SLC24A2: variants seen among roughly 807,000 people sequenced by gnomAD.
The protein encoded by SLC24A2 is solute carrier family 24 member 2, also known as sodium/potassium/calcium exchanger 2.
Under a neutral mutation model 62.0 loss-of-function variants are expected in SLC24A2, and 36 were observed. The ratio of observed to expected loss-of-function variants is 0.58; its 90% CI spans 0.44 to 0.77. The LOEUF is 0.77. Among genes scored for constraint, SLC24A2 ranks in the 30% least tolerant of loss-of-function variants. The probability of loss-of-function intolerance (pLI) is 0.00; values close to 1 mark genes in which losing one functional copy is unlikely to be tolerated. For missense variants in SLC24A2, 846 were observed against 817.9 expected (o/e 1.03, Z -0.42); for synonymous variants, 358 against 294.0 (o/e 1.22, Z -2.23).
the SLC24A2 span, among the ~76,000 whole-genome samples, chr9:19,881,441 T>C: frequency 6.6e-6 from 1 of 152,176 alleles, no homozygotes; most frequent in East Asian, 1.9e-4. Context: ...TAGGGGACCT[T>C]TGCAAGAGCT....
the SLC24A2 span, among the ~76,000 whole-genome samples, chr9:19,975,344 A>G: frequency 6.6e-6 from 1 of 152,174 alleles, no homozygotes; most frequent in Non-Finnish European, 1.5e-5. Flanking sequence ...AATCTCAAAA[A>G]AATCCTCCAG....
chr9:20,189,092 T>TTCTTTTTTTTTTTTTTTTTTTTTTTTTTC, the SLC24A2 span, among the ~76,000 whole-genome samples: 1 of 142,862 alleles, frequency 7.0e-6, no homozygotes, highest in Non-Finnish European at 1.5e-5. Flanking sequence ...TTTTTTTTTT[T>TTCTTTTTTTTTTTTTTTTTTTTTTTTTTC]CCCAGTTGAT....
chr9:20,167,224 C>T, the SLC24A2 span, among the ~76,000 whole-genome samples: 4 of 151,974 alleles, frequency 2.6e-5, no homozygotes, highest in Non-Finnish European at 5.9e-5. Flanking sequence ...ATTCTCAATC[C>T]AGGGGAAAAA....
At chr9:19,557,860 G>C (rs10964202) in intron 7 of SLC24A2, among the ~76,000 whole-genome samples, 1 of 146,482 alleles carries the variant, frequency 6.8e-6, no homozygotes. Flanking sequence ...ACCTAGACTA[G>C]AGTGCTAGAG....
chr9:20,220,583 C>T, the SLC24A2 span, among the ~76,000 whole-genome samples: 2 of 152,122 alleles, frequency 1.3e-5, no homozygotes, highest in Non-Finnish European at 2.9e-5. Flanking sequence ...CTGTGATTTC[C>T]AGCACCTCTA....
intron 7 of SLC24A2, among the ~76,000 whole-genome samples, chr9:19,559,461 A>C (rs1835283891): frequency 6.6e-6 from 1 of 152,220 alleles, no homozygotes; most frequent in Admixed American, 6.5e-5. Context: ...GGCAAGCTTT[A>C]AGTAGACTTA....
chr9:20,269,144 C>T, the SLC24A2 span, among the ~76,000 whole-genome samples: 1 of 152,000 alleles, frequency 6.6e-6, no homozygotes, highest in Admixed American at 6.6e-5. Flanking sequence ...TTTTTATGCC[C>T]CACCTAAGTT....
the SLC24A2 span, among the ~76,000 whole-genome samples, chr9:19,879,924 C>T: frequency 6.6e-6 from 1 of 152,042 alleles, no homozygotes; most frequent in Non-Finnish European, 1.5e-5. Context: ...TCTACAGTCC[C>T]TCTTAAACCT....
At chr9:19,736,647 T>C (rs1821518720) in intron 2 of SLC24A2, among the ~76,000 whole-genome samples, 1 of 152,114 alleles carries the variant, frequency 6.6e-6, no homozygotes, top group Admixed American at 6.6e-5. Context: ...AAGACTAGCC[T>C]GGGCAACATA....
chr9:19,626,088 T>G (rs1818027993), intron 2 of SLC24A2, among the ~76,000 whole-genome samples: 2 of 152,210 alleles, frequency 1.3e-5, no homozygotes, highest in African/African-American at 4.8e-5. Context: ...CATAGCCCAT[T>G]TGGATAGCAT....
At chr9:20,094,838 GGTAAACCA>G in the SLC24A2 span, among the ~76,000 whole-genome samples, 4 of 152,022 alleles carry the variant, frequency 2.6e-5, no homozygotes, top group South Asian at 8.3e-4. Flanking sequence ...TATTTGAAAT[GGTAAACCA>G]GTGGATTTTT....
the SLC24A2 span, among the ~76,000 whole-genome samples, chr9:20,284,808 T>C: frequency 6.6e-6 from 1 of 152,114 alleles, no homozygotes; most frequent in Non-Finnish European, 1.5e-5. Context: ...TTCCCTTCAC[T>C]GATTAGGCCC....
chr9:20,183,243 A>G, the SLC24A2 span, among the ~76,000 whole-genome samples: 1 of 152,324 alleles, frequency 6.6e-6, no homozygotes, highest in East Asian at 1.9e-4. Flanking sequence ...TCCTGACCTC[A>G]GGGAGTGTTT....
At chr9:19,520,752 G>T in intron 10 of SLC24A2, 142 bp downstream of exon 10, 1 of 777,774 alleles carries the variant, frequency 1.3e-6, no homozygotes. Context: ...TTGGGGAAAT[G>T]CAATGGTATT....
At chr9:20,075,268 A>G in the SLC24A2 span, among the ~76,000 whole-genome samples, 1 of 152,218 alleles carries the variant, frequency 6.6e-6, no homozygotes. Flanking sequence ...AGTGCTTTAC[A>G]TATTTTATCT....
the SLC24A2 span, among the ~76,000 whole-genome samples, chr9:19,872,998 TAAG>T: frequency 6.6e-6 from 1 of 152,082 alleles, no homozygotes. Context: ...AATGGTTAGG[TAAG>T]AAGAAGAAGA....
chr9:19,919,493 T>C, the SLC24A2 span, among the ~76,000 whole-genome samples: 11 of 152,158 alleles, frequency 7.2e-5, no homozygotes, highest in African/African-American at 2.4e-4. Flanking sequence ...AGAAAAAATA[T>C]CTAGATACCA....
At chr9:19,577,124 G>A (rs1405987971) in intron 5 of SLC24A2, 102 bp from the exon 6 acceptor site, 34 of 876,606 alleles carry the variant, frequency 3.9e-5, no homozygotes, top group East Asian at 3.6e-4. Flanking sequence ...CACTAATAGC[G>A]TGACCACTCC....
At chr9:20,199,068 T>C in the SLC24A2 span, among the ~76,000 whole-genome samples, 1 of 152,194 alleles carries the variant, frequency 6.6e-6, no homozygotes, top group Admixed American at 6.5e-5. Flanking sequence ...TGGACCTTTT[T>C]CTACAGAGAA....
Sources: allele counts gnomAD v4.1 joint callset (sites outside exome capture counted in the v4.1 genomes callset), GRCh38; gene constraint gnomAD v4.1.1; transcripts MANE v1.5; gene names NCBI Gene and HGNC (gene_info 2026-07-23, HGNC 2026-07-21).